ATXN1: variants seen among roughly 807,000 people sequenced by gnomAD.
The protein encoded by ATXN1 is ataxin 1.
A neutral mutation model predicts 56.4 loss-of-function variants in ATXN1; 8 were observed. That is an observed-to-expected ratio of 0.14 (90% confidence interval 0.08 to 0.26). ATXN1 has a LOEUF of 0.26. Ranked by LOEUF, ATXN1 falls within the 10% of genes least tolerant of loss-of-function variation. The pLI is 1.00. For missense variants in ATXN1, 987 were observed against 1,106.5 expected, an observed-to-expected ratio of 0.89 and a Z score of 1.53; for synonymous variants, 514 against 494.6, an observed-to-expected ratio of 1.04 and a Z score of -0.52.
At position 16,395,055 on chromosome 6, in the gene ATXN1, G is replaced by A. The variant is rs12665181; in HGVS notation, c.-160-66585C>T. ...ACTCCTGAGGCGAGGCGGATCACCC[G>A]AGATCGGGGAGTTCGAGACCAGTCG... On this transcript the variant is annotated intron_variant, in intron 6 of 7. Transcript: ENST00000436367. Among the ~76,000 whole-genome samples the A allele has an allele frequency of 7.4e-4, 113 of 151,942 alleles. 3 individuals carry two copies. In the East Asian group the frequency reaches 0.018, roughly 24 times the overall value.
At position 16,303,081 on chromosome 6, in the gene ATXN1, C is replaced by CAA. The variant is rs1323949596; in HGVS notation, c.*3246_*3247dup. ...CCAACACGCTCAGAACGCACACACA[C>CAA]AACAGGCCACACTTCCCGTCCAGGC... is the stretch of plus-strand genomic sequence containing the variant. On this transcript the variant is annotated 3_prime_UTR_variant, in exon 8 of 8. Transcript: ENST00000436367. The surrounding 1 kb of genome is among the most constrained non-coding windows in gnomAD (Gnocchi z 4.3). The CAA allele has an allele frequency of 1.3e-5, 2 of 152,844 alleles. No homozygotes were observed. The highest frequency in any genetic ancestry group is 4.8e-5 in the African/African-American group (2 of 41,452). The allele number at this position is 152,844 out of a possible 1,614,324, so 9.5% of individuals were successfully genotyped here.
In ATXN1 at chr6:16,731,454, C is replaced by CTTTTTTTTTTTT. The variant is rs71559655; in HGVS notation, c.-615+21767_-615+21778dup. Reference sequence around the variant, plus strand: ...ACGAGAGAGGCTTTTTTTTTCTTTTCTTTTTTTTTTTTTTTTTTTTTTTTT... The same window carrying CTTTTTTTTTTTT: ...ACGAGAGAGGCTTTTTTTTTCTTTTCTTTTTTTTTTTTTTTTTTTTTTTTTTTTTTTTTTTTT... On this transcript the variant is annotated intron_variant, in intron 2 of 7. Transcript: ENST00000436367. Among the ~76,000 whole-genome samples the CTTTTTTTTTTTT allele has an allele frequency of 2.9e-3, 240 of 81,776 alleles. 18 individuals are homozygous for CTTTTTTTTTTTT. Among genetic ancestry groups the CTTTTTTTTTTTT allele is most frequent in the Non-Finnish European group, 4.6e-3 (185 of 40,276 alleles). The allele number at this position is 81,776 out of a possible 152,430, so 53.6% of individuals were successfully genotyped here. A position where few individuals can be genotyped will look rare whatever the true frequency, so the allele number is the denominator to read the frequency against.
At chr6:16,389,325 A>T (rs1262595604) in intron 6 of ATXN1, among the ~76,000 whole-genome samples, 1 of 148,784 alleles carries the variant, frequency 6.7e-6, no homozygotes, top group East Asian at 2.0e-4. Context: ...TGACAGAGCG[A>T]GACTCCATCT....
chr6:16,390,763 G>A (rs968217193), intron 6 of ATXN1, among the ~76,000 whole-genome samples: 9 of 151,908 alleles, frequency 5.9e-5, no homozygotes, highest in South Asian at 2.1e-4. Context: ...ACAAGAAGCC[G>A]TAAGTGTCGG....
At chr6:16,478,876 G>A (rs1449962169) in intron 6 of ATXN1, among the ~76,000 whole-genome samples, 2 of 152,218 alleles carry the variant, frequency 1.3e-5, no homozygotes, top group Non-Finnish European at 2.9e-5. Context: ...GAGGATGGCT[G>A]ATGTGCAGAT....
chr6:16,423,155 C>T (rs1474149359), intron 6 of ATXN1, among the ~76,000 whole-genome samples: 1 of 152,170 alleles, frequency 6.6e-6, no homozygotes. Context: ...TGGCTCTGTT[C>T]AGTTATTGTT....
At chr6:16,393,753 C>T (rs1156389000) in intron 6 of ATXN1, among the ~76,000 whole-genome samples, 1 of 152,158 alleles carries the variant, frequency 6.6e-6, no homozygotes, top group Non-Finnish European at 1.5e-5. Context: ...CGCAGTGGCT[C>T]ACACCTGTAA....
At chr6:16,395,423 C>T (rs1207623316) in intron 6 of ATXN1, among the ~76,000 whole-genome samples, 1 of 152,024 alleles carries the variant, frequency 6.6e-6, no homozygotes, top group African/African-American at 2.4e-5. Flanking sequence ...ACATTTGGGT[C>T]AGCCGCGGAT....
chr6:16,607,938 C>G lies in ATXN1; in HGVS notation c.-488-22031G>C, dbSNP rs569719409. Among the ~76,000 whole-genome samples, 8 of 152,318 alleles carry G rather than the reference C, an allele frequency of 5.3e-5. No homozygotes were observed. The East Asian group carries it at 1.5e-3, about 29-fold the overall frequency. ...TGGTGAGACAATAGGATTCTACAGT[C>G]TTCTTATGACATCCACTTCCCATAT... On this transcript the variant is annotated intron_variant, in intron 3 of 7. Transcript: ENST00000436367.
At chr6:16,351,498 G>A (rs1761566586) in intron 6 of ATXN1, among the ~76,000 whole-genome samples, 1 of 151,786 alleles carries the variant, frequency 6.6e-6, no homozygotes, top group Admixed American at 6.6e-5. Flanking sequence ...GACCTCCCAG[G>A]CTCAAGCCAT....
intron 4 of ATXN1, among the ~76,000 whole-genome samples, chr6:16,540,532 G>A (rs1461113690): frequency 1.3e-5 from 2 of 152,056 alleles, no homozygotes; most frequent in Admixed American, 6.6e-5. Flanking sequence ...TCTCCCAACA[G>A]CCCAGTGAGA....
intron 6 of ATXN1, among the ~76,000 whole-genome samples, chr6:16,480,894 G>A (rs1005612653): frequency 5.9e-5 from 9 of 151,978 alleles, no homozygotes; most frequent in South Asian, 2.1e-4. Context: ...GATGGGCTAC[G>A]CTTTGTCAGT....
chr6:16,591,409 A>G (rs1402522660), intron 3 of ATXN1, among the ~76,000 whole-genome samples: 1 of 152,350 alleles, frequency 6.6e-6, no homozygotes, highest in South Asian at 2.1e-4. Flanking sequence ...AAACCAAAAA[A>G]GTCTTAATTT....
chr6:16,312,228 G>A (rs1322743974), intron 7 of ATXN1, among the ~76,000 whole-genome samples: 1 of 152,120 alleles, frequency 6.6e-6, no homozygotes, highest in African/African-American at 2.4e-5. Context: ...GCAAAAGTCA[G>A]GATACAGATA....
intron 2 of ATXN1, among the ~76,000 whole-genome samples, chr6:16,662,854 T>C (rs1209922327): frequency 6.6e-6 from 1 of 152,172 alleles, no homozygotes; most frequent in Non-Finnish European, 1.5e-5. Flanking sequence ...CTGTAATAAA[T>C]AGTCCTATAA....
intron 2 of ATXN1, among the ~76,000 whole-genome samples, chr6:16,744,560 G>A (rs1489910495): frequency 2.6e-5 from 4 of 152,166 alleles, no homozygotes; most frequent in South Asian, 4.1e-4. Context: ...TGAGAACTGG[G>A]CAGAGAGGAT....
rs751556363 is a variant in ATXN1, at chr6:16,753,354, T to C, written c.-729-7A>G. 1 of 456,712 alleles carries C rather than the reference T, an allele frequency of 2.2e-6. No homozygotes were observed. The allele number at this position is 456,712 out of a possible 1,614,324, so 28.3% of individuals were successfully genotyped here. On this transcript the variant is annotated splice_region_variant and splice_polypyrimidine_tract_variant and intron_variant, in intron 1 of 7. Transcript: ENST00000436367. ...GACTTGATGCACGATGCTCCTGCAA[T>C]GGTCGAGGGAGTGCAGGAGAGGAAA...
At chr6:16,401,767 G>A (rs1758578535) in intron 6 of ATXN1, among the ~76,000 whole-genome samples, 1 of 152,144 alleles carries the variant, frequency 6.6e-6, no homozygotes, top group African/African-American at 2.4e-5. Context: ...AGGGTCAAGG[G>A]CTCTGTCTCA....
chr6:16,624,031 G>A (rs1372614876), intron 3 of ATXN1, among the ~76,000 whole-genome samples: 1 of 152,130 alleles, frequency 6.6e-6, no homozygotes, highest in African/African-American at 2.4e-5. Context: ...GCTATTTAAT[G>A]GGTAGAATTT....
Sources: gnomAD v4.1 joint callset for allele counts (sites outside exome capture counted in the v4.1 genomes callset) on GRCh38, gnomAD v4.1.1 for gene constraint, Gnocchi (gnomAD v3.1) non-coding constraint, MANE v1.5 for transcripts, NCBI Gene and HGNC (gene_info 2026-07-23, HGNC 2026-07-21) for gene names.